PDE7B: variants seen among roughly 807,000 people sequenced by gnomAD.
PDE7B encodes the protein 3',5'-cyclic-AMP phosphodiesterase 7B.
A neutral mutation model predicts 56.2 loss-of-function variants in PDE7B; 29 were observed. That is an observed-to-expected ratio of 0.52 (90% confidence interval 0.38 to 0.70). The LOEUF (loss-of-function observed/expected upper bound fraction) is 0.70. PDE7B is among the 30% of genes least tolerant of loss of function. The pLI is 0.00. For missense variants in PDE7B, 490 were observed against 565.0 expected (o/e 0.87, Z 1.35); for synonymous variants, 197 against 196.9 (o/e 1.00, Z 0.00).
intron 3 of PDE7B, among the ~76,000 whole-genome samples, chr6:136,113,714 A>AG (rs942476278): frequency 1.3e-5 from 2 of 152,166 alleles, no homozygotes; most frequent in African/African-American, 4.8e-5. Context: ...TTCTGTTTGT[A>AG]GGGGGGAAAC....
At chr6:136,172,632 A>C (rs1201355311) in intron 8 of PDE7B, among the ~76,000 whole-genome samples, 7 of 151,694 alleles carry the variant, frequency 4.6e-5, no homozygotes, top group African/African-American at 1.7e-4. Flanking sequence ...GAAGCTCTTT[A>C]GTTTAATTAG....
At chr6:135,947,600 C>T in intron 2 of PDE7B, 76 bp downstream of exon 2, 1 of 1,103,816 alleles carries the variant, frequency 9.1e-7, no homozygotes, top group African/African-American at 1.5e-5. Context: ...GCCTTTTTGG[C>T]TGTCTCTCAT....
chr6:136,008,322 G>A (rs1278759086), intron 2 of PDE7B, among the ~76,000 whole-genome samples: 2 of 152,296 alleles, frequency 1.3e-5, no homozygotes, highest in Non-Finnish European at 2.9e-5. Context: ...ATAGCAGCAT[G>A]TCTTATAATC....
chr6:135,984,347 A>G (rs1050243222), intron 2 of PDE7B, among the ~76,000 whole-genome samples: 1 of 152,194 alleles, frequency 6.6e-6, no homozygotes, highest in Non-Finnish European at 1.5e-5. Context: ...AGGCAATAGC[A>G]TGCATCCAGG....
Position 136,187,114 on chromosome 6 carries a change from T to C in PDE7B, c.1124T>C (p.Ile375Thr), listed in dbSNP as rs1277069525. The C allele has an allele frequency of 2.7e-6, 4 of 1,477,012 alleles. No individual in the cohort carries two copies. Among genetic ancestry groups the C allele is most frequent in the Non-Finnish European group, 3.8e-6 (4 of 1,058,804 alleles). 91.5% of individuals were successfully genotyped at this position (1,477,012 alleles called of 1,614,324 possible). Residue 375 changes from isoleucine (I) to threonine (T), a missense_variant and splice_region_variant, in exon 12 of 13, where the codon ATT becomes ACT. Transcript: ENST00000308191. ...AAAGATTCCATCCCTAGTATACAAA[T>C]TGGTGAGTTGAATTCAGTGTTAATT... is the stretch of plus-strand genomic sequence containing the variant. Reference protein sequence around the residue: ...QQKDSIPSIQIGFMSYIVEPL... With the variant: ...QQKDSIPSIQTGFMSYIVEPL...
rs774579350 is a variant in PDE7B at position 136,181,304 on chromosome 6, T to C, written c.1026T>C (p.Cys342=). ...GCAAGCAGTGGAGTGAAAGGGTCTG[T>C]GAAGAATTCTACAGGCAAGGTTAGT... ...EMSKQWSERV[C]EEFYRQGELE... The change falls in exon 11 of 13, where the codon TGT becomes TGC. Residue 342 remains cysteine (C), a synonymous_variant. Transcript: ENST00000308191. The C allele has an allele frequency of 1.2e-5, 20 of 1,610,104 alleles. No individual in the cohort carries two copies. Among genetic ancestry groups the C allele is most frequent in the South Asian group, 1.1e-5 (1 of 91,032 alleles).
chr6:136,062,257 A>G (rs1776857674), intron 2 of PDE7B, among the ~76,000 whole-genome samples: 1 of 152,208 alleles, frequency 6.6e-6, no homozygotes, highest in African/African-American at 2.4e-5. Flanking sequence ...ATATGTTTAA[A>G]GTAGACAACA....
intron 2 of PDE7B, among the ~76,000 whole-genome samples, chr6:135,962,705 C>T (rs191534987): frequency 9.2e-5 from 14 of 152,268 alleles, no homozygotes; most frequent in Admixed American, 9.2e-4. Context: ...GTGGTTGTGA[C>T]TTCAACTGTG....
intron 2 of PDE7B, among the ~76,000 whole-genome samples, chr6:136,005,307 G>A (rs1197971756): frequency 6.6e-6 from 1 of 152,168 alleles, no homozygotes; most frequent in Non-Finnish European, 1.5e-5. Context: ...AGGACTTCAT[G>A]TCTAAAACAC....
At chr6:135,879,324 A>C (rs1483212369) in intron 1 of PDE7B, among the ~76,000 whole-genome samples, 1 of 152,166 alleles carries the variant, frequency 6.6e-6, no homozygotes, top group African/African-American at 2.4e-5. Flanking sequence ...AACAGATAAC[A>C]AGTCTCTAAA....
chr6:135,905,209 A>G (rs1460659774), intron 1 of PDE7B, among the ~76,000 whole-genome samples: 1 of 152,184 alleles, frequency 6.6e-6, no homozygotes, highest in African/African-American at 2.4e-5. Flanking sequence ...AACATATTTG[A>G]GAGTTTTTTC....
intron 12 of PDE7B, among the ~76,000 whole-genome samples, chr6:136,189,030 A>G (rs1246809663): frequency 2.6e-5 from 4 of 152,132 alleles, no homozygotes; most frequent in Non-Finnish European, 5.9e-5. Context: ...CCCCAAGACA[A>G]CAATTTTTCC....
chr6:136,081,127 G>A (rs999355865), intron 2 of PDE7B, among the ~76,000 whole-genome samples: 1 of 152,200 alleles, frequency 6.6e-6, no homozygotes, highest in Non-Finnish European at 1.5e-5. Flanking sequence ...CACCCTGAAG[G>A]TGATACAGTC....
intron 1 of PDE7B, among the ~76,000 whole-genome samples, chr6:135,897,677 G>C (rs1159492501): frequency 3.3e-5 from 5 of 152,166 alleles, no homozygotes; most frequent in African/African-American, 9.6e-5. Flanking sequence ...GGTATTAATA[G>C]GCATTTGAAA....
chr6:136,054,788 G>T (rs1283187878), intron 2 of PDE7B, among the ~76,000 whole-genome samples: 2 of 152,152 alleles, frequency 1.3e-5, no homozygotes, highest in African/African-American at 4.8e-5. Flanking sequence ...CACATGGCTA[G>T]GGAGGCCTCA....
chr6:136,043,350 C>A (rs1441025290), intron 2 of PDE7B, among the ~76,000 whole-genome samples: 1 of 152,044 alleles, frequency 6.6e-6, no homozygotes, highest in East Asian at 1.9e-4. Flanking sequence ...AACTCCAGCT[C>A]CCCAATTCCC....
At chr6:136,178,904 G>T in intron 9 of PDE7B, 93 bp from the exon 10 acceptor site, 1 of 1,344,134 alleles carries the variant, frequency 7.4e-7, no homozygotes, top group South Asian at 1.3e-5. Flanking sequence ...GCAGAAATTA[G>T]ATTACAAGCC....
chr6:136,001,387 C>G (rs962292707), intron 2 of PDE7B, among the ~76,000 whole-genome samples: 4 of 152,220 alleles, frequency 2.6e-5, no homozygotes, highest in Admixed American at 2.0e-4. Flanking sequence ...ATGCTTCAGA[C>G]GATCAAACTA....
At chr6:135,995,226 A>G (rs1016334880) in intron 2 of PDE7B, among the ~76,000 whole-genome samples, 2 of 134,042 alleles carry the variant, frequency 1.5e-5, no homozygotes, top group Admixed American at 1.6e-4. Context: ...CGCTCCATAC[A>G]TATGTACCAC....
Sources: allele counts gnomAD v4.1 joint callset (sites outside exome capture counted in the v4.1 genomes callset), GRCh38; gene constraint gnomAD v4.1.1; transcripts MANE v1.5; gene names NCBI Gene and HGNC (gene_info 2026-07-23, HGNC 2026-07-21).